The following TMEM132B variants were observed in gnomAD, a reference collection of about 807,000 sequenced individuals.
TMEM132B encodes transmembrane protein 132B.
A neutral mutation model predicts 90.8 loss-of-function variants in TMEM132B; 18 were observed. The ratio of observed to expected loss-of-function variants is 0.20; its 90% CI spans 0.14 to 0.29. TMEM132B has a LOEUF of 0.29. Among genes scored for constraint, TMEM132B ranks in the 10% least tolerant of loss-of-function variants. The pLI, the probability that TMEM132B is intolerant of heterozygous loss-of-function variation, is 1.00. For missense variants in TMEM132B, 1,096 were observed against 1,326.8 expected, an observed-to-expected ratio of 0.83 and a Z score of 2.70; for synonymous variants, 504 against 523.3, an observed-to-expected ratio of 0.96 and a Z score of 0.50.
At chr12:125,258,060 GC>G (rs1368279120) in intron 1 of TMEM132B, among the ~76,000 whole-genome samples, 3 of 152,180 alleles carry the variant, frequency 2.0e-5, no homozygotes, top group African/African-American at 7.2e-5. Context: ...GCAAGTTTTT[GC>G]CATTATTTCC....
At chr12:125,489,835 G>A (rs1391496589) in intron 3 of TMEM132B, among the ~76,000 whole-genome samples, 2 of 152,198 alleles carry the variant, frequency 1.3e-5, no homozygotes, top group Non-Finnish European at 2.9e-5. Context: ...TAGCCAGTTT[G>A]AATGGTCCAA....
intron 3 of TMEM132B, among the ~76,000 whole-genome samples, chr12:125,426,182 A>G (rs1485190169): frequency 6.6e-6 from 1 of 152,142 alleles, no homozygotes; most frequent in Admixed American, 6.5e-5. Flanking sequence ...TAAAATTTGC[A>G]GCTCCCCAAT....
chr12:125,597,936 C>T (rs1316866225), intron 5 of TMEM132B, among the ~76,000 whole-genome samples: 1 of 152,140 alleles, frequency 6.6e-6, no homozygotes, highest in African/African-American at 2.4e-5. Context: ...GTGCTGCCAC[C>T]ATAAATGTGA....
rs1555233006 is a variant in TMEM132B at position 125,231,237 on chromosome 12, G to GTGTGTA, written c.67+44372_67+44373insGTGTAT. Among the ~76,000 whole-genome samples the GTGTGTA allele has an allele frequency of 8.7e-5, 13 of 148,706 alleles. 1 individual carries two copies. Among genetic ancestry groups the GTGTGTA allele is most frequent in the African/African-American group, 2.0e-4 (8 of 39,430 alleles). ...TGTGTGTGTGTGTGTGTGTGTGTGT[G>GTGTGTA]TATATCTGTGTCCTGCTCCTCTTCT... On this transcript the variant is annotated intron_variant, in intron 1 of 8. Coordinates refer to ENST00000682704, the MANE Select transcript of TMEM132B (RefSeq NM_001366854.1).
chr12:125,297,503 C>T (rs1354512545), intron 1 of TMEM132B, among the ~76,000 whole-genome samples: 4 of 152,252 alleles, frequency 2.6e-5, no homozygotes, highest in African/African-American at 7.2e-5. Context: ...CACGCTTCAG[C>T]GGCCACCTAT....
intron 3 of TMEM132B, among the ~76,000 whole-genome samples, chr12:125,420,971 A>G (rs1566030873): frequency 6.6e-6 from 1 of 152,192 alleles, no homozygotes; most frequent in Non-Finnish European, 1.5e-5. Flanking sequence ...CTTTGCTAAA[A>G]CATAGCAAGA....
chr12:125,511,866 A>AG, intron 3 of TMEM132B, among the ~76,000 whole-genome samples: 1 of 148,558 alleles, frequency 6.7e-6, no homozygotes, highest in African/African-American at 2.5e-5. Flanking sequence ...AAAAAAAAAA[A>AG]AAGAAAAGAA....
chr12:125,327,661 A>T (rs974597855), intron 1 of TMEM132B, among the ~76,000 whole-genome samples: 11 of 152,198 alleles, frequency 7.2e-5, no homozygotes, highest in African/African-American at 2.4e-4. Flanking sequence ...AGGAAGGAAG[A>T]AGGAACTCCT....
At position 125,659,430 on chromosome 12, in the gene TMEM132B, G is replaced by A. The variant is rs1341084753; in HGVS notation, c.*4720G>A. ...GCTTGGTCTTGTATATGTATCTGGG[G>A]CAGGGGCTTTGTACTGGGCCCAGGG... On this transcript the variant is annotated 3_prime_UTR_variant, in exon 9 of 9. Transcript: ENST00000682704. 1 of 152,334 alleles carries A rather than the reference G, an allele frequency of 6.6e-6. No individual in the cohort carries two copies. Among genetic ancestry groups the A allele is most frequent in the Non-Finnish European group, 1.5e-5 (1 of 68,184 alleles). The allele number at this position is 152,334 out of a possible 1,614,324, so 9.4% of individuals were successfully genotyped here.
intron 1 of TMEM132B, among the ~76,000 whole-genome samples, chr12:125,316,065 T>G (rs1362460689): frequency 6.6e-6 from 1 of 152,172 alleles, no homozygotes; most frequent in Non-Finnish European, 1.5e-5. Context: ...CTGAATGTTC[T>G]CTCCAACAAG....
intron 3 of TMEM132B, among the ~76,000 whole-genome samples, chr12:125,428,781 T>A (rs988614409): frequency 6.6e-6 from 1 of 152,214 alleles, no homozygotes; most frequent in African/African-American, 2.4e-5. Flanking sequence ...TTTGATTTTA[T>A]CCAATTATGT....
intron 1 of TMEM132B, among the ~76,000 whole-genome samples, chr12:125,187,067 C>T (rs1047297413): frequency 6.6e-6 from 1 of 152,320 alleles, no homozygotes; most frequent in Non-Finnish European, 1.5e-5. Flanking sequence ...CCTTCTCCCC[C>T]AAACCCTTAG....
chr12:125,643,401 C>G (rs540024692), intron 5 of TMEM132B, among the ~76,000 whole-genome samples: 2 of 152,282 alleles, frequency 1.3e-5, no homozygotes, highest in East Asian at 3.9e-4. Context: ...TTTGCTTATC[C>G]TGAAAATGTG....
At chr12:125,248,371 C>T (rs1439162806) in intron 1 of TMEM132B, among the ~76,000 whole-genome samples, 1 of 152,146 alleles carries the variant, frequency 6.6e-6, no homozygotes, top group Non-Finnish European at 1.5e-5. Flanking sequence ...AGGCTTTTCT[C>T]AGAGGAGAAA....
intron 1 of TMEM132B, among the ~76,000 whole-genome samples, chr12:125,271,495 A>G (rs1874835361): frequency 6.6e-6 from 1 of 152,186 alleles, no homozygotes; most frequent in Non-Finnish European, 1.5e-5. Flanking sequence ...AGCACTCACA[A>G]TTCATGAGGG....
At chr12:125,416,198 T>A (rs543233588) in intron 3 of TMEM132B, among the ~76,000 whole-genome samples, 3 of 152,302 alleles carry the variant, frequency 2.0e-5, no homozygotes, top group South Asian at 2.1e-4. Context: ...AGAGAGGTGA[T>A]CACGTGTCAC....
intron 1 of TMEM132B, among the ~76,000 whole-genome samples, chr12:125,197,466 A>G (rs1334820006): frequency 2.0e-5 from 3 of 152,184 alleles, no homozygotes; most frequent in Admixed American, 6.5e-5. Context: ...CCTTTAATCC[A>G]GGCATCAGCA....
At chr12:125,455,263 C>T (rs1003398903) in intron 3 of TMEM132B, among the ~76,000 whole-genome samples, 2 of 152,030 alleles carry the variant, frequency 1.3e-5, no homozygotes, top group Admixed American at 6.6e-5. Context: ...TGCAGGAAAC[C>T]GTAAAGTACT....
chr12:125,585,834 G>T (rs1257119656), intron 5 of TMEM132B: 1 of 152,146 alleles, frequency 6.6e-6, no homozygotes, highest in Non-Finnish European at 1.5e-5. Flanking sequence ...ACAAATTATT[G>T]CCCAGTCTTC....
Sources: allele counts gnomAD v4.1 joint callset (sites outside exome capture counted in the v4.1 genomes callset), GRCh38; gene constraint gnomAD v4.1.1; transcripts MANE v1.5; gene names NCBI Gene and HGNC (gene_info 2026-07-23, HGNC 2026-07-21).